Variants in TTN observed in about 807,000 individuals in gnomAD.
TTN encodes the protein titin.
TTN carries 1,525 observed loss-of-function variants against 3,223.0 expected under a neutral mutation model. The observed-to-expected ratio is 0.47, with a 90% CI of 0.45 to 0.49. TTN has a LOEUF of 0.49. Among genes scored for constraint, TTN ranks in the 20% least tolerant of loss-of-function variants. TTN has a pLI of 0.00. For synonymous variants in TTN, 14,094 were observed against 15,161.0 expected, an observed-to-expected ratio of 0.93 and a Z score of 5.17; for missense variants, 40,786 against 43,424.0, an observed-to-expected ratio of 0.94 and a Z score of 5.40.
At chr2:178,610,887 C>G in intron 270 of TTN, 106 bp downstream of exon 270, 1 of 1,367,952 alleles carries the variant, frequency 7.3e-7, no homozygotes, top group Non-Finnish European at 1.0e-6. Context: ...ATTTAGTTTA[C>G]AAGTGGCCAG....
intron 43 of TTN, among the ~76,000 whole-genome samples, chr2:178,761,980 T>G (rs546280231): frequency 6.6e-6 from 1 of 152,160 alleles, no homozygotes. Flanking sequence ...CCTCTACCAG[T>G]AGGTGGCACT....
At position 178,616,887 on chromosome 2, in the gene TTN, T is replaced by TTATC; in HGVS notation, c.47998_48001dup (p.Lys16001ArgfsTer2). The TTATC allele has an allele frequency of 6.2e-7, 1 of 1,612,666 alleles. No homozygotes were observed. The highest frequency in any genetic ancestry group is 1.3e-5 in the African/African-American group (1 of 74,910). ...CACCCGGTCCCCTGTTTCTAGTACT[T>TTATC]TATCTCCAAAACACCAGGTTGCAGT... is the stretch of plus-strand genomic sequence containing the variant. On this transcript the variant is annotated stop_gained and frameshift_variant, in exon 256 of 363. Transcript: ENST00000589042. LOFTEE classifies it high-confidence loss of function.
At position 178,579,848 on chromosome 2, in the gene TTN, T is replaced by G; in HGVS notation, c.67349A>C (p.Gln22450Pro). Residue 22450 changes from glutamine to proline, a missense_variant and splice_region_variant, in exon 319 of 363, where the codon CAA (glutamine) becomes CCA (proline). By Grantham distance (76) the Gln-to-Pro change is moderately conservative. Coordinates refer to ENST00000589042, the MANE Select transcript of TTN (RefSeq NM_001267550.2). Reference sequence around the variant, plus strand: ...CAGGTCCACAACTGGTCCAGGAGTTTCTAAAGCAAAGGAGAAATGATAAGT... The same window carrying G: ...CAGGTCCACAACTGGTCCAGGAGTTGCTAAAGCAAAGGAGAAATGATAAGT... ...GETRDAVKAS[Q>P]TPGPVVDLKV... 1 of 1,612,534 alleles carries G rather than the reference T, an allele frequency of 6.2e-7. No individual in the cohort carries two copies. Among genetic ancestry groups the G allele is most frequent in the East Asian group, 2.2e-5 (1 of 44,772 alleles).
intron 8 of TTN, among the ~76,000 whole-genome samples, chr2:178,794,113 A>T (rs2093648961): frequency 6.6e-6 from 1 of 151,852 alleles, no homozygotes; most frequent in Non-Finnish European, 1.5e-5. Flanking sequence ...TTCTCTGGCC[A>T]CTCTTTGCCT....
chr2:178,589,184 A>T lies in TTN; in HGVS notation c.62541T>A (p.Thr20847=). The change falls in exon 304 of 363, where the codon ACT becomes ACA. Residue 20847 remains threonine (T), a synonymous_variant. Transcript: ENST00000589042. Reference sequence around the variant, plus strand: ...AGGCCACAAAACTGCCAGCCGTGTTAGTTGCCGTAACTACATATTTACCCC... The same window carrying T: ...AGGCCACAAAACTGCCAGCCGTGTTTGTTGCCGTAACTACATATTTACCCC... ...SDGGKYVVTA[T]NTAGSFVAYA... 1 of 1,613,536 alleles carries T rather than the reference A, an allele frequency of 6.2e-7. No individual in the cohort carries two copies. The highest frequency in any genetic ancestry group is 8.5e-7 in the Non-Finnish European group (1 of 1,179,644).
chr2:178,670,893 A>C (rs1160776867), intron 156 of TTN, among the ~76,000 whole-genome samples, 197 bp downstream of exon 156: 1 of 151,940 alleles, frequency 6.6e-6, no homozygotes, highest in African/African-American at 2.4e-5. Context: ...TTTTAGGTAT[A>C]ACAACAGTGA....
At position 178,756,297 on chromosome 2, in the gene TTN, G is replaced by C. The variant is rs1561082102; in HGVS notation, c.11179C>G (p.Gln3727Glu). Residue 3727 changes from glutamine to glutamate, a missense_variant, in exon 46 of 363, where the codon CAA becomes GAA. Coordinates refer to ENST00000589042, the MANE Select transcript of TTN (RefSeq NM_001267550.2). ...TGTACAATGCAGCTGTATAGTCCTT[G>C]GTCTACCAGCTGAACATTACATATG... is the stretch of plus-strand genomic sequence containing the variant. ...LTICNVQLVD[Q>E]GLYSCIVHND... 6.2e-7 allele frequency: 1 copy of C among 1,613,758 alleles called. No homozygotes were observed. The highest frequency in any genetic ancestry group is 1.1e-5 in the South Asian group (1 of 91,072).
At chr2:178,586,987 G>C in intron 307 of TTN, 131 bp downstream of exon 307, 1 of 1,379,226 alleles carries the variant, frequency 7.3e-7, no homozygotes, top group Non-Finnish European at 1.0e-6. Flanking sequence ...GAGTGAGATA[G>C]ATATTTATTA....
At position 178,670,288 on chromosome 2, in the gene TTN, C is replaced by G; in HGVS notation, c.35316G>C (p.Glu11772Asp). The change falls in exon 157 of 363, where the codon GAG becomes GAC. Residue 11772 changes from glutamate to aspartate, a missense_variant. Glu to Asp is a conservative substitution (Grantham distance 45). Transcript: ENST00000589042. ...CTTCTACCACAATTTTCTTAGGCAC[C>G]TCCGGTACTTTAAAGATAATAGTAA... ...PRKEPPAKVP[E>D]VPKKIVVEEK... The G allele has an allele frequency of 1.4e-6, 2 of 1,479,190 alleles. No individual in the cohort carries two copies. Among genetic ancestry groups the G allele is most frequent in the Non-Finnish European group, 1.8e-6 (2 of 1,119,874 alleles). 91.6% of individuals were successfully genotyped at this position (1,479,190 alleles called of 1,614,324 possible). A position where few individuals can be genotyped will look rare whatever the true frequency, so the allele number is the denominator to read the frequency against.
chr2:178,736,085 A>G lies in TTN; in HGVS notation c.14372-11T>C, dbSNP rs1220304264. Reference sequence around the variant, plus strand: ...TTGGTGGATATGCCTCTGCAAAAGAAATTTTTCCAGCATTACATTTAGTCC... The same window carrying G: ...TTGGTGGATATGCCTCTGCAAAAGAGATTTTTCCAGCATTACATTTAGTCC... On this transcript the variant is annotated splice_polypyrimidine_tract_variant and intron_variant, in intron 49 of 362. Transcript: ENST00000589042. 7.1e-6 allele frequency: 11 copies of G among 1,541,610 alleles called. No homozygotes were observed. The highest frequency in any genetic ancestry group is 8.7e-6 in the Non-Finnish European group (10 of 1,148,132).
In TTN at chr2:178,640,058, C is replaced by T. The variant is rs1182797999; in HGVS notation, c.40776G>A (p.Lys13592=). ...IPLPAPEPKP[K]PEAEVKTIKP... ...GATAAGCTTGCTCACCTGCTTCGGG[C>T]TTTGGTTTCGGTTCAGGTGCAGGGA... is the stretch of plus-strand genomic sequence containing the variant. The change falls in exon 222 of 363, where the codon AAG becomes AAA. Residue 13592 remains lysine, a synonymous_variant. Transcript: ENST00000589042. 6.2e-7 allele frequency: 1 copy of T among 1,611,996 alleles called. No homozygotes were observed. Among genetic ancestry groups the T allele is most frequent in the Non-Finnish European group, 8.5e-7 (1 of 1,178,714 alleles).
intron 227 of TTN, 22 bp downstream of exon 227, chr2:178,635,418 A>G (rs1349554770): frequency 1.2e-6 from 2 of 1,601,936 alleles, no homozygotes; most frequent in Non-Finnish European, 1.7e-6. Context: ...TTATAATTTG[A>G]ATAAAAGGTA....
intron 92 of TTN, 70 bp from the exon 93 acceptor site, chr2:178,713,442 T>C (rs1329529091): frequency 7.0e-7 from 1 of 1,435,364 alleles, no homozygotes; most frequent in Non-Finnish European, 9.1e-7. Context: ...ATAAAATGAC[T>C]TGAAGAGAGA....
At position 178,546,989 on chromosome 2, in the gene TTN, A is replaced by T. The variant is rs1258972641; in HGVS notation, c.94522+14T>A. 6.2e-7 allele frequency: 1 copy of T among 1,601,184 alleles called. No homozygotes were observed. The highest frequency in any genetic ancestry group is 8.5e-7 in the Non-Finnish European group (1 of 1,172,158). ...TAATAATAAACAAATATGCCCTTAAATTGTGATACATACCAACTGGATTTT... is the reference window on the plus strand; with the variant it reads ...TAATAATAAACAAATATGCCCTTAATTTGTGATACATACCAACTGGATTTT... On this transcript the variant is annotated intron_variant, in intron 340 of 362. Coordinates refer to ENST00000589042, the MANE Select transcript of TTN (RefSeq NM_001267550.2).
chr2:178,694,471 G>A, intron 117 of TTN, 128 bp downstream of exon 117: 2 of 566,774 alleles, frequency 3.5e-6, no homozygotes, highest in East Asian at 6.0e-5. Context: ...CATAAAATTT[G>A]TATTATGTAA....
At position 178,670,238 on chromosome 2, in the gene TTN, G is replaced by T. The variant is rs767601091; in HGVS notation, c.35366C>A (p.Pro11789His). 2.0e-6 allele frequency: 3 copies of T among 1,488,412 alleles called. No individual in the cohort carries two copies. Among genetic ancestry groups the T allele is most frequent in the East Asian group, 2.5e-5 (1 of 39,530 alleles). 92.2% of individuals were successfully genotyped at this position (1,488,412 alleles called of 1,614,324 possible). A position where few individuals can be genotyped will look rare whatever the true frequency, so the allele number is the denominator to read the frequency against. Residue 11789 changes from proline to histidine, a missense_variant, in exon 157 of 363, where the codon CCC (proline) becomes CAC (histidine). Pro to His is a moderately conservative substitution (Grantham distance 77). Transcript: ENST00000589042. ...VEEKVRVPEE[P>H]RVPPTKAPEV... The stretch of plus-strand genomic sequence containing the variant: ...GTTACCTTTAGTTGGTGGAACTCTG[G>T]GCTCTTCAGGAACACGTACTTTTTC...
intron 13 of TTN, among the ~76,000 whole-genome samples, chr2:178,788,636 A>G (rs1367627296): frequency 6.6e-6 from 1 of 152,138 alleles, no homozygotes. Context: ...TATTAGCAAT[A>G]AAGAATACAA....
chr2:178,773,926 A>G lies in TTN; in HGVS notation c.7242T>C (p.Ile2414=), dbSNP rs727503689. Residue 2414 remains isoleucine (I), a synonymous_variant, in exon 31 of 363, where the codon ATT becomes ATC. Coordinates refer to ENST00000589042, the MANE Select transcript of TTN (RefSeq NM_001267550.2). ...VIDKQSHMLL[I]EDMTKEDAGN... is the part of the protein sequence containing the mutation. ...CAGCATCTTCCTTAGTCATGTCTTC[A>G]ATGAGCAGCATATGAGATTGTTTGT... The G allele has an allele frequency of 3.0e-5, 48 of 1,613,988 alleles. 1 individual carries two copies. In the South Asian group the frequency reaches 4.5e-4, roughly 15 times the overall value.
Position 178,696,131 on chromosome 2 carries a change from A to G in TTN, c.30941T>C (p.Ile10314Thr), listed in dbSNP as rs886055288. 40 of 1,552,324 alleles carry G rather than the reference A, an allele frequency of 2.6e-5. No individual in the cohort carries two copies. The highest frequency in any genetic ancestry group is 6.8e-5 in the African/African-American group (5 of 73,152). The change falls in exon 114 of 363, where the codon ATT becomes ACT. Residue 10314 changes from isoleucine to threonine, a missense_variant. Ile to Thr is a moderately conservative substitution (Grantham distance 89). Coordinates refer to ENST00000589042, the MANE Select transcript of TTN (RefSeq NM_001267550.2). The part of the protein sequence containing the change: ...QAVHKEKRVF[I>T]ESFEEPYDEL... ...GTCATAAGGTTCTTCGAAAGATTCA[A>G]TGAAGACTCTCTTCTCCTTGTGGAC...
Sources: gnomAD v4.1 joint callset for allele counts (sites outside exome capture counted in the v4.1 genomes callset) on GRCh38, gnomAD v4.1.1 for gene constraint, MANE v1.5 for transcripts, NCBI Gene and HGNC (gene_info 2026-07-23, HGNC 2026-07-21) for gene names.